UTRN: variants seen among roughly 807,000 people sequenced by gnomAD.
UTRN encodes dystrophin-related protein 1.
A neutral mutation model predicts 463.9 loss-of-function variants in UTRN; 283 were observed. That is an observed-to-expected ratio of 0.61 (90% confidence interval 0.55 to 0.67). UTRN has a LOEUF of 0.67. UTRN is among the 30% of genes least tolerant of loss of function. The probability of loss-of-function intolerance (pLI) is 0.00; values close to 1 mark genes in which losing one functional copy is unlikely to be tolerated. For missense variants in UTRN, 3,922 were observed against 4,084.3 expected, an observed-to-expected ratio of 0.96 and a Z score of 1.08; for synonymous variants, 1,442 against 1,431.5, an observed-to-expected ratio of 1.01 and a Z score of -0.17.
intron 50 of UTRN, among the ~76,000 whole-genome samples, chr6:144,574,707 G>A (rs530532245): frequency 1.3e-5 from 2 of 152,154 alleles, no homozygotes; most frequent in South Asian, 4.2e-4. Flanking sequence ...TCAGCCTCCT[G>A]AGTAGCTGGG....
At chr6:144,656,407 C>T (rs188522548) in intron 51 of UTRN, among the ~76,000 whole-genome samples, 37 of 152,276 alleles carry the variant, frequency 2.4e-4, no homozygotes, top group Non-Finnish European at 5.0e-4. Flanking sequence ...TGACTTTAAA[C>T]TAAGAAAGTA....
At chr6:144,681,098 C>T (rs549759672) in intron 52 of UTRN, among the ~76,000 whole-genome samples, 2 of 152,172 alleles carry the variant, frequency 1.3e-5, no homozygotes, top group South Asian at 2.1e-4. Context: ...GAGACACTTT[C>T]GGCATCTAGG....
intron 69 of UTRN, among the ~76,000 whole-genome samples, chr6:144,833,161 C>G (rs1163385382): frequency 1.3e-5 from 2 of 152,088 alleles, no homozygotes; most frequent in East Asian, 3.8e-4. Context: ...AAGTTTACCT[C>G]TATTTTTATC....
At chr6:144,499,877 A>G (rs1323118844) in intron 34 of UTRN, among the ~76,000 whole-genome samples, 1 of 152,182 alleles carries the variant, frequency 6.6e-6, no homozygotes, top group Non-Finnish European at 1.5e-5. Flanking sequence ...TTGGTTTCCC[A>G]TTCCTGCATT....
At chr6:144,634,996 G>T (rs1348798778) in intron 51 of UTRN, among the ~76,000 whole-genome samples, 5 of 152,054 alleles carry the variant, frequency 3.3e-5, no homozygotes, top group Non-Finnish European at 5.9e-5. Flanking sequence ...GCAAGTTTTT[G>T]TGTGGTTTTA....
chr6:144,739,272 C>T (rs1216284559), intron 54 of UTRN, among the ~76,000 whole-genome samples: 1 of 152,094 alleles, frequency 6.6e-6, no homozygotes, highest in Non-Finnish European at 1.5e-5. Context: ...CATATTCAGT[C>T]CACTATGTCA....
At chr6:144,659,016 G>A (rs1310583433) in intron 51 of UTRN, among the ~76,000 whole-genome samples, 9 of 152,170 alleles carry the variant, frequency 5.9e-5, no homozygotes, top group Non-Finnish European at 1.2e-4. Flanking sequence ...GACTTTCAGC[G>A]GCATCAAAGA....
At chr6:144,627,857 T>G (rs947256945) in intron 51 of UTRN, among the ~76,000 whole-genome samples, 1 of 146,506 alleles carries the variant, frequency 6.8e-6, no homozygotes, top group Non-Finnish European at 1.5e-5. Context: ...TAGAGTGCAG[T>G]GGCATGATCT....
chr6:144,760,061 G>T (rs1792479033), intron 58 of UTRN, among the ~76,000 whole-genome samples: 1 of 152,018 alleles, frequency 6.6e-6, no homozygotes, highest in African/African-American at 2.4e-5. Flanking sequence ...TATCTGTGTG[G>T]TTTGGGACTT....
intron 51 of UTRN, among the ~76,000 whole-genome samples, chr6:144,674,458 A>G (rs1781389310): frequency 6.7e-6 from 1 of 149,532 alleles, no homozygotes; most frequent in South Asian, 2.1e-4. Flanking sequence ...TGTATTTTGC[A>G]TTTCTCTGAG....
intron 51 of UTRN, among the ~76,000 whole-genome samples, chr6:144,626,125 G>T (rs185742885): frequency 6.6e-6 from 1 of 152,276 alleles, no homozygotes; most frequent in Non-Finnish European, 1.5e-5. Flanking sequence ...TTAAAAATAT[G>T]TTAAGCAGTG....
intron 2 of UTRN, among the ~76,000 whole-genome samples, chr6:144,375,413 G>A (rs1780364631): frequency 1.3e-5 from 2 of 152,186 alleles, no homozygotes; most frequent in African/African-American, 4.8e-5. Context: ...TAGCTATCTA[G>A]CACAGATCTA....
intron 51 of UTRN, among the ~76,000 whole-genome samples, chr6:144,595,257 T>C (rs1321571847): frequency 6.6e-6 from 1 of 152,232 alleles, no homozygotes; most frequent in Non-Finnish European, 1.5e-5. Flanking sequence ...ATGAATTTGC[T>C]ATGCAGAGCT....
At chr6:144,503,002 T>G (rs1002380054) in intron 34 of UTRN, among the ~76,000 whole-genome samples, 2 of 152,230 alleles carry the variant, frequency 1.3e-5, no homozygotes, top group African/African-American at 2.4e-5. Context: ...TAATGACCAG[T>G]GATGATGAGC....
intron 3 of UTRN, among the ~76,000 whole-genome samples, chr6:144,414,449 ATG>A (rs977866107): frequency 2.0e-5 from 3 of 152,226 alleles, no homozygotes; most frequent in Non-Finnish European, 4.4e-5. Flanking sequence ...CAGATGTGTG[ATG>A]TGTTTGTGTT....
At chr6:144,510,485 C>T (rs1486771821) in intron 34 of UTRN, among the ~76,000 whole-genome samples, 1 of 152,120 alleles carries the variant, frequency 6.6e-6, no homozygotes, top group Non-Finnish European at 1.5e-5. Flanking sequence ...CTTGCAAGTA[C>T]CTATAGTACA....
Position 144,557,330 on chromosome 6 carries a change from C to A in UTRN, c.7289+19C>A. On this transcript the variant is annotated intron_variant, in intron 50 of 74. Coordinates refer to ENST00000367545, the MANE Select transcript of UTRN (RefSeq NM_007124.3). ...AACAAAGGTAAGTCTAAGGCCCTGGCAGGTAAATGTATATTGTCAAGTTGA... is the reference window on the plus strand; with the variant it reads ...AACAAAGGTAAGTCTAAGGCCCTGGAAGGTAAATGTATATTGTCAAGTTGA... 1.2e-6 allele frequency: 2 copies of A among 1,600,632 alleles called. No individual in the cohort carries two copies. Among genetic ancestry groups the A allele is most frequent in the Non-Finnish European group, 1.7e-6 (2 of 1,172,546 alleles).
Position 144,459,273 on chromosome 6 carries a change from C to T in UTRN, c.2626C>T (p.Gln876Ter). The T allele has an allele frequency of 6.2e-7, 1 of 1,614,100 alleles. No homozygotes were observed. The highest frequency in any genetic ancestry group is 8.5e-7 in the Non-Finnish European group (1 of 1,180,004). The change falls in exon 21 of 75, where the codon CAG (glutamine) becomes TAG (stop). Residue 876 changes from glutamine (Q) to a stop codon, truncating the protein, a stop_gained. Transcript: ENST00000367545. LOFTEE classifies it high-confidence loss of function. Reference sequence around the variant, plus strand: ...TCAGCCTTCTGCCCCAGATTTTGTCCAGCGGGGCTTCGATAGCTTTCTGGG... The same window carrying T: ...TCAGCCTTCTGCCCCAGATTTTGTCTAGCGGGGCTTCGATAGCTTTCTGGG... Reference protein sequence around the residue: ...MSQPSAPDFVQRGFDSFLGRY... With the variant: ...MSQPSAPDFV
chr6:144,459,147 T>C (rs779462436), intron 20 of UTRN, 27 bp from the exon 21 acceptor site: 1 of 1,600,098 alleles, frequency 6.2e-7, no homozygotes, highest in Non-Finnish European at 8.5e-7. Context: ...TTCAGTGAGT[T>C]GTGTGACCGT....
Sources: gnomAD v4.1 joint callset for allele counts (sites outside exome capture counted in the v4.1 genomes callset) on GRCh38, gnomAD v4.1.1 for gene constraint, MANE v1.5 for transcripts, NCBI Gene and HGNC (gene_info 2026-07-23, HGNC 2026-07-21) for gene names.